ESRRG: variants seen among roughly 807,000 people sequenced by gnomAD.
The protein encoded by ESRRG is estrogen-related receptor gamma.
In ESRRG, 13 loss-of-function variants were observed where a neutral mutation model predicts 44.0. That is an observed-to-expected ratio of 0.30 (90% CI 0.19 to 0.47). ESRRG has a LOEUF of 0.47. Among genes scored for constraint, ESRRG ranks in the 20% least tolerant of loss-of-function variants. ESRRG has a pLI of 1.00. For missense variants in ESRRG, 395 were observed against 580.6 expected (o/e 0.68, Z 3.29); for synonymous variants, 215 against 214.6 (o/e 1.00, Z -0.02).
intron 3 of ESRRG, among the ~76,000 whole-genome samples, chr1:216,574,085 C>A (rs1257004029): frequency 6.6e-6 from 1 of 152,026 alleles, no homozygotes. Flanking sequence ...AGATTTCTCC[C>A]AGGAAATAAA....
chr1:217,013,070 A>G (rs975120080), intron 1 of ESRRG, among the ~76,000 whole-genome samples: 3 of 152,162 alleles, frequency 2.0e-5, no homozygotes, highest in African/African-American at 2.4e-5. Context: ...CTTTTTTATA[A>G]GAGGATAATC....
At position 216,564,341 on chromosome 1, in the gene ESRRG, T is replaced by C. The variant is rs2059305347; in HGVS notation, c.740A>G (p.Glu247Gly). 1 of 1,611,698 alleles carries C rather than the reference T, an allele frequency of 6.2e-7. No homozygotes were observed. Among genetic ancestry groups the C allele is most frequent in the Non-Finnish European group, 8.5e-7 (1 of 1,178,640 alleles). Residue 247 changes from glutamate (E) to glycine (G), a missense_variant, in exon 5 of 7, where the codon GAG becomes GGG. Physicochemically the swap from Glu to Gly is moderately conservative, Grantham distance 98. Around this residue, in one of 5 missense-constraint regions of ESRRG, gnomAD observed 167 missense variants for 251.8 expected, o/e 0.66. Coordinates refer to ENST00000408911, the MANE Select transcript of ESRRG (RefSeq NM_001438.4). ...IVSHLLVAEP[E>G]KIYAMPDPTV... The stretch of plus-strand genomic sequence containing the variant: ...AGGGTCAGGCATGGCATAGATCTTC[T>C]CCGGTTCAGCCACCAACAAATGTGA...
intron 3 of ESRRG, among the ~76,000 whole-genome samples, chr1:216,608,974 A>C (rs1028925620): frequency 6.6e-6 from 1 of 152,232 alleles, no homozygotes; most frequent in Admixed American, 6.5e-5. Context: ...AGTGGTCTCC[A>C]GTACCTATGA....
intron 1 of ESRRG, among the ~76,000 whole-genome samples, chr1:216,998,051 T>G (rs1476240690): frequency 6.6e-6 from 1 of 152,236 alleles, no homozygotes; most frequent in Non-Finnish European, 1.5e-5. Flanking sequence ...ATTGATCCAC[T>G]TGCTACTTAC....
At chr1:216,664,997 G>A (rs989331154) in intron 2 of ESRRG, among the ~76,000 whole-genome samples, 3 of 152,126 alleles carry the variant, frequency 2.0e-5, no homozygotes, top group African/African-American at 7.2e-5. Context: ...AGAGAGGAAT[G>A]CACAAAGAAA....
chr1:216,627,527 G>A (rs77520880), intron 3 of ESRRG, among the ~76,000 whole-genome samples: 1 of 152,138 alleles, frequency 6.6e-6, no homozygotes, highest in Non-Finnish European at 1.5e-5. Context: ...TTGCTGCGCA[G>A]GGTCAAGATA....
At chr1:216,981,955 G>A (rs532340327) in intron 1 of ESRRG, among the ~76,000 whole-genome samples, 3 of 152,308 alleles carry the variant, frequency 2.0e-5, no homozygotes, top group Middle Eastern at 3.4e-3. Context: ...TGTGCATCTC[G>A]ACAGTAATGG....
chr1:216,817,501 A>C (rs1351515286), intron 2 of ESRRG, among the ~76,000 whole-genome samples: 1 of 152,186 alleles, frequency 6.6e-6, no homozygotes, highest in African/African-American at 2.4e-5. Flanking sequence ...AGATGATACA[A>C]ATATTATGTG....
intron 2 of ESRRG, among the ~76,000 whole-genome samples, chr1:216,849,356 T>G (rs1165283201): frequency 6.6e-6 from 1 of 152,120 alleles, no homozygotes; most frequent in East Asian, 1.9e-4. Flanking sequence ...GCTTATCAAC[T>G]GGAATTCGTC....
chr1:216,940,866 G>A (rs550378189), intron 1 of ESRRG, among the ~76,000 whole-genome samples: 3 of 152,248 alleles, frequency 2.0e-5, no homozygotes, highest in South Asian at 2.1e-4. Context: ...TCATATCTTG[G>A]TAATTTACTG....
intron 2 of ESRRG, among the ~76,000 whole-genome samples, chr1:216,781,111 T>C (rs2093918379): frequency 6.6e-6 from 1 of 152,078 alleles, no homozygotes; most frequent in South Asian, 2.1e-4. Flanking sequence ...GAAATACACC[T>C]GGTTTGTGAC....
chr1:216,625,792 G>A (rs191286597), intron 3 of ESRRG, among the ~76,000 whole-genome samples: 1 of 152,162 alleles, frequency 6.6e-6, no homozygotes, highest in Non-Finnish European at 1.5e-5. Context: ...AGTGCTTAGA[G>A]GTGGACATGG....
intron 3 of ESRRG, among the ~76,000 whole-genome samples, chr1:216,622,508 G>A (rs1486707373): frequency 6.6e-6 from 1 of 151,998 alleles, no homozygotes; most frequent in East Asian, 1.9e-4. Context: ...TCACATGTTA[G>A]AATGGCCTAC....
rs191953427 is a variant in ESRRG at position 216,512,642 on chromosome 1, G to T, written c.1133-5459C>A. On this transcript the variant is annotated intron_variant, in intron 6 of 6. Transcript: ENST00000408911. ...CAAGACACTTGAAGGGCTTTCAGGG[G>T]TTACGTTACAAGTTTTATTCTTGAC... is the stretch of plus-strand genomic sequence containing the variant. 4.7e-3 allele frequency among the ~76,000 whole-genome samples: 711 copies of T among 152,220 alleles called. 10 individuals carry two copies. Among genetic ancestry groups the T allele is most frequent in the Admixed American group, 0.03 (456 of 15,278 alleles).
At chr1:216,637,858 A>G (rs1461880533) in intron 3 of ESRRG, among the ~76,000 whole-genome samples, 1 of 152,184 alleles carries the variant, frequency 6.6e-6, no homozygotes, top group Non-Finnish European at 1.5e-5. Flanking sequence ...GGACTTCTGA[A>G]ATACAATTCT....
At chr1:216,538,022 A>G (rs1027191947) in intron 5 of ESRRG, among the ~76,000 whole-genome samples, 3 of 151,932 alleles carry the variant, frequency 2.0e-5, no homozygotes, top group Non-Finnish European at 4.4e-5. Context: ...GCAGGCAAAT[A>G]CCTCTTAAAC....
At chr1:216,670,990 A>G (rs141620844) in intron 2 of ESRRG, among the ~76,000 whole-genome samples, 39 of 152,296 alleles carry the variant, frequency 2.6e-4, no homozygotes, top group African/African-American at 9.1e-4. Context: ...GTGATTTGGT[A>G]TCTTGATTTA....
chr1:216,853,269 T>G (rs1325751857), intron 2 of ESRRG, among the ~76,000 whole-genome samples: 1 of 152,310 alleles, frequency 6.6e-6, no homozygotes, highest in East Asian at 1.9e-4. Context: ...GGCTTCACTT[T>G]CAGAGTAGAT....
chr1:216,854,353 C>CAAAAAAAAAAAAAA (rs57421256), intron 2 of ESRRG, among the ~76,000 whole-genome samples: 29 of 67,114 alleles, frequency 4.3e-4, no homozygotes, highest in Admixed American at 6.7e-4. Context: ...AAGACACCAT[C>CAAAAAAAAAAAAAA]AAAAAAAAAA....
Sources: gnomAD v4.1 joint callset for allele counts (sites outside exome capture counted in the v4.1 genomes callset) on GRCh38, gnomAD v4.1.1 for gene constraint, gnomAD v4.1.1 regional missense constraint, MANE v1.5 for transcripts, NCBI Gene and HGNC (gene_info 2026-07-23, HGNC 2026-07-21) for gene names.